LRMDA: variants seen among roughly 807,000 people sequenced by gnomAD.
The protein encoded by LRMDA is leucine-rich melanocyte differentiation-associated protein.
LRMDA carries 18 observed loss-of-function variants against 29.8 expected under a neutral mutation model. That is an observed-to-expected ratio of 0.60 (90% CI 0.42 to 0.90). LRMDA has a LOEUF of 0.90. Ranked by LOEUF, LRMDA falls within the 40% of genes least tolerant of loss-of-function variation. The probability of loss-of-function intolerance (pLI) is 0.00; values close to 1 mark genes in which losing one functional copy is unlikely to be tolerated. For missense variants in LRMDA, 273 were observed against 273.9 expected (o/e 1.00, Z 0.02); for synonymous variants, 125 against 109.4 (o/e 1.14, Z -0.89).
At chr10:75,962,140 G>A (rs1162808253) in intron 2 of LRMDA, among the ~76,000 whole-genome samples, 1 of 152,184 alleles carries the variant, frequency 6.6e-6, no homozygotes, top group Admixed American at 6.5e-5. Flanking sequence ...TGAGGTACCA[G>A]GGGTTAGGAC....
At chr10:76,351,440 G>T (rs1279051920) in intron 6 of LRMDA, among the ~76,000 whole-genome samples, 1 of 152,074 alleles carries the variant, frequency 6.6e-6, no homozygotes, top group Non-Finnish European at 1.5e-5. Context: ...AAAACTTGCT[G>T]GTACTTCTGA....
intron 2 of LRMDA, among the ~76,000 whole-genome samples, chr10:75,887,414 G>C (rs557195508): frequency 9.5e-4 from 144 of 152,208 alleles, no homozygotes; most frequent in Admixed American, 1.8e-3. Flanking sequence ...AATTAAACTA[G>C]GGAGTGTTGA....
At chr10:76,200,689 G>T (rs146799855) in intron 5 of LRMDA, among the ~76,000 whole-genome samples, 1 of 151,184 alleles carries the variant, frequency 6.6e-6, no homozygotes, top group African/African-American at 2.4e-5. Context: ...CCACTTTCAC[G>T]TGTATATTTT....
At chr10:75,640,308 T>C (rs1841437164) in intron 2 of LRMDA, among the ~76,000 whole-genome samples, 1 of 152,230 alleles carries the variant, frequency 6.6e-6, no homozygotes, top group Non-Finnish European at 1.5e-5. Flanking sequence ...GATGTTTTTC[T>C]TTCTAAGGAG....
At chr10:76,363,575 G>A (rs1468176982) in intron 6 of LRMDA, among the ~76,000 whole-genome samples, 2 of 152,108 alleles carry the variant, frequency 1.3e-5, no homozygotes, top group Admixed American at 1.3e-4. Flanking sequence ...GAGGGGTAGT[G>A]TGGTATGTAA....
intron 6 of LRMDA, among the ~76,000 whole-genome samples, chr10:76,364,717 C>T (rs1292063314): frequency 6.6e-6 from 1 of 151,512 alleles, no homozygotes; most frequent in Non-Finnish European, 1.5e-5. Context: ...AACTTTTTTC[C>T]CCATAAGTTA....
chr10:75,772,501 A>T (rs1458196981), intron 2 of LRMDA, among the ~76,000 whole-genome samples: 1 of 152,220 alleles, frequency 6.6e-6, no homozygotes, highest in Non-Finnish European at 1.5e-5. Flanking sequence ...TTTGACCATC[A>T]GATGGGCCTA....
At chr10:76,264,533 C>A (rs980869391) in intron 5 of LRMDA, among the ~76,000 whole-genome samples, 3 of 149,106 alleles carry the variant, frequency 2.0e-5, no homozygotes, top group Non-Finnish European at 4.4e-5. Context: ...ATGTCCACTG[C>A]GAGTATTTCG....
intron 2 of LRMDA, among the ~76,000 whole-genome samples, chr10:75,819,801 T>C (rs1250728509): frequency 3.3e-5 from 5 of 152,178 alleles, no homozygotes; most frequent in Non-Finnish European, 5.9e-5. Context: ...GATCTAGACC[T>C]GTACTGTCAA....
At chr10:76,364,696 C>T (rs1038651460) in intron 6 of LRMDA, among the ~76,000 whole-genome samples, 1 of 151,806 alleles carries the variant, frequency 6.6e-6, no homozygotes, top group Non-Finnish European at 1.5e-5. Flanking sequence ...AATATGAAAA[C>T]CTGGATGTTT....
chr10:76,452,954 G>T (rs558326535), intron 6 of LRMDA, among the ~76,000 whole-genome samples: 2 of 152,214 alleles, frequency 1.3e-5, no homozygotes, highest in South Asian at 4.1e-4. Flanking sequence ...TGTGAACAGG[G>T]TCTGGACTTC....
chr10:75,796,416 A>G (rs909803280), intron 2 of LRMDA, among the ~76,000 whole-genome samples: 1 of 152,082 alleles, frequency 6.6e-6, no homozygotes, highest in Non-Finnish European at 1.5e-5. Flanking sequence ...TTCAGCCTCT[A>G]TTGATTATAT....
At chr10:76,405,726 T>C (rs996560064) in intron 6 of LRMDA, among the ~76,000 whole-genome samples, 4 of 152,200 alleles carry the variant, frequency 2.6e-5, no homozygotes, top group Non-Finnish European at 4.4e-5. Context: ...TTTTGCTAGT[T>C]ATTCATTCAT....
intron 2 of LRMDA, among the ~76,000 whole-genome samples, chr10:75,448,833 CAG>C (rs1433515610): frequency 6.6e-6 from 1 of 152,126 alleles, no homozygotes; most frequent in Admixed American, 6.5e-5. Flanking sequence ...AGTCCAGGGA[CAG>C]AGAGTCAGAC....
intron 2 of LRMDA, among the ~76,000 whole-genome samples, chr10:75,677,093 A>G (rs1200288350): frequency 6.6e-6 from 1 of 152,250 alleles, no homozygotes; most frequent in Non-Finnish European, 1.5e-5. Flanking sequence ...TGCATTGCAG[A>G]AAAGAAGTTG....
At chr10:76,471,674 AACAC>A (rs1842618714) in intron 6 of LRMDA, among the ~76,000 whole-genome samples, 2 of 151,930 alleles carry the variant, frequency 1.3e-5, no homozygotes, top group Admixed American at 6.6e-5. Flanking sequence ...TTGTTTATAA[AACAC>A]ACACTTTAGA....
At chr10:76,245,362 T>A (rs1852355515) in intron 5 of LRMDA, among the ~76,000 whole-genome samples, 1 of 152,132 alleles carries the variant, frequency 6.6e-6, no homozygotes, top group African/African-American at 2.4e-5. Flanking sequence ...GGGGAGTGCC[T>A]GGGGACATGG....
intron 2 of LRMDA, among the ~76,000 whole-genome samples, chr10:76,034,330 C>T (rs10458642): frequency 0.13 from 19,121 of 152,064 alleles, 2,016 homozygotes; most frequent in African/African-American, 0.28. Flanking sequence ...TTTATCCTCA[C>T]AAGTTGTGTT....
At chr10:76,012,456 G>A (rs1303971020) in intron 2 of LRMDA, among the ~76,000 whole-genome samples, 1 of 152,158 alleles carries the variant, frequency 6.6e-6, no homozygotes, top group Non-Finnish European at 1.5e-5. Context: ...GGCTGTGTGT[G>A]TGTATCGGGG....
Sources: allele counts gnomAD v4.1 joint callset (sites outside exome capture counted in the v4.1 genomes callset), GRCh38; gene constraint gnomAD v4.1.1; transcripts MANE v1.5; gene names NCBI Gene and HGNC (gene_info 2026-07-23, HGNC 2026-07-21).